CNBP: variants seen among roughly 807,000 people sequenced by gnomAD.
CNBP encodes the protein CCHC-type zinc finger nucleic acid binding protein, also known as cellular nucleic acid-binding protein.
In CNBP, 6 loss-of-function variants were observed where a neutral mutation model predicts 21.2. The observed-to-expected ratio is 0.28, with a 90% CI of 0.16 to 0.56. The LOEUF (loss-of-function observed/expected upper bound fraction) is 0.56, where lower values mean the gene tolerates loss of function less well. Ranked by LOEUF, CNBP falls within the 20% of genes least tolerant of loss-of-function variation. The probability of loss-of-function intolerance (pLI) is 0.93; values close to 1 mark genes in which losing one functional copy is unlikely to be tolerated. For synonymous variants in CNBP, 61 were observed against 74.9 expected, an observed-to-expected ratio of 0.81 and a Z score of 0.96; for missense variants, 112 against 233.1, an observed-to-expected ratio of 0.48 and a Z score of 3.38.
Position 129,169,260 on chromosome 3 carries a change from T to C in CNBP, c.*1193A>G, listed in dbSNP as rs1203759243. Among the ~76,000 whole-genome samples, 1 of 152,184 alleles carries C rather than the reference T, an allele frequency of 6.6e-6. No individual in the cohort carries two copies. The highest frequency in any genetic ancestry group is 6.5e-5 in the Admixed American group (1 of 15,282). On this transcript the variant is annotated 3_prime_UTR_variant, in exon 5 of 5. Coordinates refer to ENST00000422453, the MANE Select transcript of CNBP (RefSeq NM_003418.5). ...AGTGAGCCAAGCCTGCACTCCAGCCTGGGCGACAAGAGTGAGACTCCGTCT... is the reference window on the plus strand; with the variant it reads ...AGTGAGCCAAGCCTGCACTCCAGCCCGGGCGACAAGAGTGAGACTCCGTCT...
At chr3:129,178,358 T>A (rs1938064214) in intron 1 of CNBP, among the ~76,000 whole-genome samples, 1 of 151,988 alleles carries the variant, frequency 6.6e-6, no homozygotes, top group Non-Finnish European at 1.5e-5. Context: ...TAAAAACAAA[T>A]ATAGTAAACT....
Position 129,171,201 on chromosome 3 carries a change from G to A in CNBP, c.294C>T (p.Cys98=). 6.2e-7 allele frequency: 1 copy of A among 1,614,268 alleles called. No individual in the cohort carries two copies. Among genetic ancestry groups the A allele is most frequent in the Non-Finnish European group, 8.5e-7 (1 of 1,180,040 alleles). ...GATGGCCTGGTTTGCCACAGTTGTA[G>A]CAGCATTGCTCTCGCTCTCTCTTGG... The part of the protein sequence containing the change: ...KEPKREREQC[C]YNCGKPGHLA... Residue 98 remains cysteine (C), a synonymous_variant, in exon 4 of 5, where the codon TGC becomes TGT. Transcript: ENST00000422453.
In CNBP at chr3:129,168,490, G is replaced by C. The variant is rs1937504386; in HGVS notation, c.*1963C>G. Among the ~76,000 whole-genome samples the C allele has an allele frequency of 6.8e-6, 1 of 147,352 alleles. No individual in the cohort carries two copies. Among genetic ancestry groups the C allele is most frequent in the Non-Finnish European group, 1.5e-5 (1 of 66,688 alleles). ...CGGACACCTGTAATCCCAGCTATTT[G>C]GGAGGCTGAGGCAGGAGAATTACTT... On this transcript the variant is annotated 3_prime_UTR_variant, in exon 5 of 5. Transcript: ENST00000422453.
At chr3:129,172,673 CAGACAGACAG>C (rs1560035093) in intron 1 of CNBP, among the ~76,000 whole-genome samples, 5 of 114,718 alleles carry the variant, frequency 4.4e-5, no homozygotes, top group Admixed American at 3.8e-4. Flanking sequence ...GACAGACAGA[CAGACAGACAG>C]ACAGACAGAC....
chr3:129,168,182 T>C lies in CNBP; in HGVS notation c.*2271A>G, dbSNP rs1937491641. Among the ~76,000 whole-genome samples the C allele has an allele frequency of 2.0e-5, 3 of 151,706 alleles. No homozygotes were observed. The highest frequency in any genetic ancestry group is 6.6e-5 in the Admixed American group (1 of 15,218). On this transcript the variant is annotated 3_prime_UTR_variant, in exon 5 of 5. Coordinates refer to ENST00000422453, the MANE Select transcript of CNBP (RefSeq NM_003418.5). ...GTGGGGGGAAACAGGGCATGGGGAG[T>C]GAATAATGGTTGAAGTTCCAGGCTC...
At chr3:129,177,737 C>T (rs1053454156) in intron 1 of CNBP, among the ~76,000 whole-genome samples, 1 of 152,128 alleles carries the variant, frequency 6.6e-6, no homozygotes, top group Non-Finnish European at 1.5e-5. Flanking sequence ...CATTTTCAAC[C>T]ACCAGACATC....
chr3:129,176,375 T>C (rs1937908453), intron 1 of CNBP, among the ~76,000 whole-genome samples: 1 of 152,262 alleles, frequency 6.6e-6, no homozygotes, highest in Admixed American at 6.5e-5. Context: ...CAAGACACTT[T>C]GTTAATATCT....
chr3:129,183,519 T>C (rs931829623), intron 1 of CNBP, among the ~76,000 whole-genome samples: 1 of 152,160 alleles, frequency 6.6e-6, no homozygotes, highest in Non-Finnish European at 1.5e-5. Flanking sequence ...GGTGCGGCCG[T>C]GGCGCCGAAA....
intron 4 of CNBP, 108 bp from the exon 5 acceptor site, chr3:129,170,678 T>A (rs1937551702): frequency 3.6e-6 from 3 of 835,294 alleles, no homozygotes; most frequent in Non-Finnish European, 4.1e-6. Context: ...TTCATGCAAT[T>A]AACCCCTAAG....
Position 129,169,300 on chromosome 3 carries a change from A to AACC in CNBP, c.*1150_*1152dup, listed in dbSNP as rs1439272342. On this transcript the variant is annotated 3_prime_UTR_variant, in exon 5 of 5. Coordinates refer to ENST00000422453, the MANE Select transcript of CNBP (RefSeq NM_003418.5). ...AGACTCCGTCTCCAAAACAAAACAA[A>AACC]ACCACCACCACCAAAAAACCTGTTC... Among the ~76,000 whole-genome samples the AACC allele has an allele frequency of 6.6e-6, 1 of 152,120 alleles. No individual in the cohort carries two copies. Among genetic ancestry groups the AACC allele is most frequent in the East Asian group, 1.9e-4 (1 of 5,172 alleles).
rs556480605 is a variant in CNBP at position 129,167,940 on chromosome 3, T to C, written c.*2513A>G. Among the ~76,000 whole-genome samples the C allele has an allele frequency of 1.3e-5, 2 of 152,260 alleles. No homozygotes were observed. Among genetic ancestry groups the C allele is most frequent in the South Asian group, 2.1e-4 (1 of 4,838 alleles). ...TATTCATAAAGAAATGGGTATGTTA[T>C]TACCTCTTTTTCTTGCTTGCTCAGG... On this transcript the variant is annotated 3_prime_UTR_variant, in exon 5 of 5. Transcript: ENST00000422453.
chr3:129,180,064 G>A (rs1001920764), intron 1 of CNBP, among the ~76,000 whole-genome samples: 5 of 151,728 alleles, frequency 3.3e-5, no homozygotes, highest in East Asian at 3.9e-4. Flanking sequence ...AAATGCTATC[G>A]TAATATATGA....
At position 129,169,529 on chromosome 3, in the gene CNBP, T is replaced by C. The variant is rs889928361; in HGVS notation, c.*924A>G. ...CTCTTTAATATGGTATTTTGCACTA[T>C]ATACATTAATGAAAATTTGAAACAA... is the stretch of plus-strand genomic sequence containing the variant. On this transcript the variant is annotated 3_prime_UTR_variant, in exon 5 of 5. Coordinates refer to ENST00000422453, the MANE Select transcript of CNBP (RefSeq NM_003418.5). 4.9e-6 allele frequency: 1 copy of C among 203,278 alleles called. No individual in the cohort carries two copies. The highest frequency in any genetic ancestry group is 1.0e-5 in the Non-Finnish European group (1 of 98,886). The allele number at this position is 203,278 out of a possible 1,614,324, so 12.6% of individuals were successfully genotyped here. A position where few individuals can be genotyped will look rare whatever the true frequency, so the allele number is the denominator to read the frequency against.
In CNBP at chr3:129,171,727, G is replaced by A; in HGVS notation, c.31C>T (p.Arg11Ter). Reference protein sequence around the residue: MSSNECFKCGRSGHWARECPT... With the variant: MSSNECFKCG ...CATTCCCGGGCCCAGTGGCCAGATC[G>A]TCCACACTTGAAGCACTCATTGCTG... The change falls in exon 2 of 5, where the codon CGA becomes TGA. Residue 11 changes from arginine to a stop codon, truncating the protein, a stop_gained. Coordinates refer to ENST00000422453, the MANE Select transcript of CNBP (RefSeq NM_003418.5). LOFTEE classifies it high-confidence loss of function. The A allele has an allele frequency of 6.2e-7, 1 of 1,614,048 alleles. No homozygotes were observed. The highest frequency in any genetic ancestry group is 1.3e-5 in the African/African-American group (1 of 75,052).
In CNBP at chr3:129,168,676, A is replaced by G. The variant is rs1369384935; in HGVS notation, c.*1777T>C. ...TAGCAATGGTATTAAAACTGTTCAG[A>G]ATCGGCCAGACACGGTGGCTCGCAC... On this transcript the variant is annotated 3_prime_UTR_variant, in exon 5 of 5. Transcript: ENST00000422453. 2.7e-5 allele frequency among the ~76,000 whole-genome samples: 4 copies of G among 150,796 alleles called. No homozygotes were observed. The highest frequency in any genetic ancestry group is 5.9e-5 in the Non-Finnish European group (4 of 67,740).
At chr3:129,182,962 GTTTT>G (rs869242339) in intron 1 of CNBP, among the ~76,000 whole-genome samples, 30 of 102,802 alleles carry the variant, frequency 2.9e-4, no homozygotes, top group East Asian at 8.5e-4. Flanking sequence ...TTGTTTGTTT[GTTTT>G]TTTAAGACGG....
chr3:129,177,608 A>G (rs919487880), intron 1 of CNBP, among the ~76,000 whole-genome samples: 4 of 152,220 alleles, frequency 2.6e-5, no homozygotes, highest in Non-Finnish European at 5.9e-5. Context: ...TGTCTATTAC[A>G]TAGCAGGTTT....
chr3:129,179,943 T>G (rs927795772), intron 1 of CNBP, among the ~76,000 whole-genome samples: 1 of 152,092 alleles, frequency 6.6e-6, no homozygotes, highest in African/African-American at 2.4e-5. Flanking sequence ...GAGGCAGAGG[T>G]TGCAGTGAGC....
In CNBP at chr3:129,170,393, G is replaced by C. The variant is rs200247971; in HGVS notation, c.*60C>G. ...CTGCCAACCTTTGGCCAGTGAAGAGGATTCAGAGAAAATAATACAACCATC... is the reference window on the plus strand; with the variant it reads ...CTGCCAACCTTTGGCCAGTGAAGAGCATTCAGAGAAAATAATACAACCATC... On this transcript the variant is annotated 3_prime_UTR_variant, in exon 5 of 5. Transcript: ENST00000422453. 1.5e-5 allele frequency: 21 copies of C among 1,418,632 alleles called. No individual in the cohort carries two copies. Among genetic ancestry groups the C allele is most frequent in the Non-Finnish European group, 2.0e-5 (20 of 1,002,084 alleles). 87.9% of individuals were successfully genotyped at this position (1,418,632 alleles called of 1,614,324 possible). A position where few individuals can be genotyped will look rare whatever the true frequency, so the allele number is the denominator to read the frequency against.
Sources: allele counts gnomAD v4.1 joint callset (sites outside exome capture counted in the v4.1 genomes callset), GRCh38; gene constraint gnomAD v4.1.1; transcripts MANE v1.5; gene names NCBI Gene and HGNC (gene_info 2026-07-23, HGNC 2026-07-21).